Variants in COL23A1 observed in about 807,000 individuals in gnomAD.
The protein encoded by COL23A1 is collagen type XXIII alpha 1 chain, also known as collagen alpha-1(XXIII) chain.
Under a neutral mutation model 99.3 loss-of-function variants are expected in COL23A1, and 97 were observed. That is an observed-to-expected ratio of 0.98 (90% confidence interval 0.83 to 1.16). The LOEUF (loss-of-function observed/expected upper bound fraction) is 1.16. Among genes scored for constraint, COL23A1 ranks in the 50% most tolerant of loss-of-function variants. COL23A1 has a pLI of 0.00. For missense variants in COL23A1, 762 were observed against 757.4 expected (o/e 1.01, Z -0.07); for synonymous variants, 320 against 308.2 (o/e 1.04, Z -0.40).
intron 16 of COL23A1, 44 bp from the exon 17 acceptor site, chr5:178,252,641 G>A (rs1198007247): frequency 1.9e-6 from 3 of 1,560,986 alleles, no homozygotes; most frequent in African/African-American, 1.4e-5. Context: ...GGTTAGGCAG[G>A]GCCTCCCTTC....
intron 2 of COL23A1, among the ~76,000 whole-genome samples, chr5:178,442,747 C>G (rs1025306050): frequency 6.6e-6 from 1 of 152,244 alleles, no homozygotes; most frequent in Non-Finnish European, 1.5e-5. Context: ...AGCACAGGCG[C>G]CAAGACCTGA....
rs932949484 is a variant in COL23A1 at position 178,238,529 on chromosome 5, C to T, written c.*169G>A. On this transcript the variant is annotated 3_prime_UTR_variant, in exon 29 of 29. Coordinates refer to ENST00000390654, the MANE Select transcript of COL23A1 (RefSeq NM_173465.4). Reference sequence around the variant, plus strand: ...TCCCTGGTCTGGCCTGTCCACTTTCCGGCAGCTTCACATGCCGGTGGCTTT... The same window carrying T: ...TCCCTGGTCTGGCCTGTCCACTTTCTGGCAGCTTCACATGCCGGTGGCTTT... 80 of 858,706 alleles carry T rather than the reference C, an allele frequency of 9.3e-5. 1 individual carries two copies. The highest frequency in any genetic ancestry group is 3.6e-4 in the Middle Eastern group (1 of 2,814). 53.2% of individuals were successfully genotyped at this position (858,706 alleles called of 1,614,324 possible). A position where few individuals can be genotyped will look rare whatever the true frequency, so the allele number is the denominator to read the frequency against.
intron 2 of COL23A1, among the ~76,000 whole-genome samples, chr5:178,466,363 A>G (rs1357493946): frequency 6.6e-6 from 1 of 152,174 alleles, no homozygotes; most frequent in Non-Finnish European, 1.5e-5. Flanking sequence ...GTTTTGAAAA[A>G]GTCAAGTTCT....
chr5:178,323,132 T>G (rs1367899279), intron 2 of COL23A1, among the ~76,000 whole-genome samples: 1 of 151,996 alleles, frequency 6.6e-6, no homozygotes, highest in Non-Finnish European at 1.5e-5. Flanking sequence ...AAGGGGCTCC[T>G]GAGCCTGGGG....
chr5:178,263,211 T>A lies in COL23A1; in HGVS notation c.636A>T (p.Pro212=). 6.2e-7 allele frequency: 1 copy of A among 1,612,390 alleles called. No individual in the cohort carries two copies. Among genetic ancestry groups the A allele is most frequent in the Non-Finnish European group, 8.5e-7 (1 of 1,178,580 alleles). The change falls in exon 9 of 29, where the codon CCA becomes CCT. Residue 212 remains proline, a synonymous_variant. Transcript: ENST00000390654. ...CCAACTCCATGCCCTCTCTTACCGC[T>A]GGGCCTTGTGCTCCCCTGGGGCCAT... is the stretch of plus-strand genomic sequence containing the variant. ...GKDGPRGAQG[P]AGPKGEPGQD... is the part of the protein sequence containing the mutation.
chr5:178,360,538 G>A (rs145484734), intron 2 of COL23A1, among the ~76,000 whole-genome samples: 14 of 152,316 alleles, frequency 9.2e-5, no homozygotes, highest in South Asian at 2.1e-4. Context: ...AGAACTGACC[G>A]CACACAGATC....
At chr5:178,461,065 T>C (rs1016707533) in intron 2 of COL23A1, among the ~76,000 whole-genome samples, 2 of 152,206 alleles carry the variant, frequency 1.3e-5, no homozygotes, top group Non-Finnish European at 2.9e-5. Context: ...CAAGCCACTT[T>C]ACATTTTTGG....
intron 2 of COL23A1, among the ~76,000 whole-genome samples, chr5:178,425,199 G>A (rs990678973): frequency 6.6e-6 from 1 of 152,178 alleles, no homozygotes; most frequent in African/African-American, 2.4e-5. Flanking sequence ...GAGGCAGGCA[G>A]ATCACCTGAG....
chr5:178,296,344 A>G (rs1404963818), intron 3 of COL23A1, among the ~76,000 whole-genome samples: 1 of 152,138 alleles, frequency 6.6e-6, no homozygotes, highest in East Asian at 1.9e-4. Context: ...TCCCCAGAGC[A>G]TTTCATGTAA....
Position 178,306,461 on chromosome 5 carries a change from G to A in COL23A1, c.406+414C>T, listed in dbSNP as rs375245664. Reference sequence around the variant, plus strand: ...GGAGGTGGGGGAGTCTCCTCCTGGCGGCTCTGCCAAGGAAGGACAGGCCAC... The same window carrying A: ...GGAGGTGGGGGAGTCTCCTCCTGGCAGCTCTGCCAAGGAAGGACAGGCCAC... On this transcript the variant is annotated intron_variant, in intron 3 of 28. Transcript: ENST00000390654. This position sits in a 1 kb window ranked among gnomAD's most constrained non-coding sequence, Gnocchi z 4.1. 6.6e-6 allele frequency among the ~76,000 whole-genome samples: 1 copy of A among 151,906 alleles called. No individual in the cohort carries two copies. Among genetic ancestry groups the A allele is most frequent in the African/African-American group, 2.4e-5 (1 of 41,314 alleles).
chr5:178,289,993 C>T (rs2009481), intron 4 of COL23A1, among the ~76,000 whole-genome samples: 25,481 of 152,112 alleles, frequency 0.17, 2,668 homozygotes, highest in East Asian at 0.45. Flanking sequence ...TGCAGTGGTG[C>T]GATCTCGACT....
chr5:178,242,101 C>A lies in COL23A1; in HGVS notation c.1522G>T (p.Gly508Ter). ...GGCTCGCCCTTCTGGCCCTTCACTC[C>A]TTTCCGGCCGGGGACCCCTCGTTCT... is the stretch of plus-strand genomic sequence containing the variant. ...KGERGVPGRKGVKGQKGEPGP... is the reference protein window; with the variant it reads ...KGERGVPGRK The change falls in exon 27 of 29, where the codon GGA becomes TGA. Residue 508 changes from glycine (G) to a stop codon, truncating the protein, a stop_gained. Transcript: ENST00000390654. LOFTEE classifies it high-confidence loss of function. 1 of 1,553,750 alleles carries A rather than the reference C, an allele frequency of 6.4e-7. No individual in the cohort carries two copies. The highest frequency in any genetic ancestry group is 2.4e-5 in the East Asian group (1 of 41,144).
At chr5:178,275,605 C>T (rs988826918) in intron 5 of COL23A1, among the ~76,000 whole-genome samples, 7 of 152,140 alleles carry the variant, frequency 4.6e-5, no homozygotes, top group African/African-American at 1.4e-4. Flanking sequence ...GACCCCTTCT[C>T]GGAACTGTTT....
At chr5:178,335,899 T>G (rs1760291257) in intron 2 of COL23A1, among the ~76,000 whole-genome samples, 2 of 152,244 alleles carry the variant, frequency 1.3e-5, no homozygotes, top group South Asian at 4.1e-4. Flanking sequence ...CTACCATGTC[T>G]TTGCCAAGAA....
At chr5:178,348,647 CT>C (rs1561885058) in intron 2 of COL23A1, among the ~76,000 whole-genome samples, 1 of 152,216 alleles carries the variant, frequency 6.6e-6, no homozygotes, top group Non-Finnish European at 1.5e-5. Context: ...GCAGAGCATT[CT>C]GCCTCAGGAG....
intron 2 of COL23A1, among the ~76,000 whole-genome samples, chr5:178,403,702 T>C (rs1764596199): frequency 6.6e-6 from 1 of 152,258 alleles, no homozygotes; most frequent in African/African-American, 2.4e-5. Context: ...CACAAATGTG[T>C]AACCATTGTT....
intron 2 of COL23A1, among the ~76,000 whole-genome samples, chr5:178,381,455 C>T (rs544296809): frequency 1.9e-4 from 29 of 152,320 alleles, no homozygotes; most frequent in Middle Eastern, 3.4e-3. Context: ...CCAGCACCAC[C>T]GGGAGAGAGG....
At chr5:178,546,351 G>A (rs368514290) in intron 2 of COL23A1, among the ~76,000 whole-genome samples, 1 of 152,178 alleles carries the variant, frequency 6.6e-6, no homozygotes, top group African/African-American at 2.4e-5. Context: ...TTCTTCCACT[G>A]TTCGCCACTT....
At chr5:178,327,570 T>C (rs928038447) in intron 2 of COL23A1, among the ~76,000 whole-genome samples, 10 of 152,086 alleles carry the variant, frequency 6.6e-5, no homozygotes, top group Non-Finnish European at 1.2e-4. Flanking sequence ...ACAGCAGTCC[T>C]GGGGGGCCGG....
Sources: allele counts gnomAD v4.1 joint callset (sites outside exome capture counted in the v4.1 genomes callset), GRCh38; gene constraint gnomAD v4.1.1; non-coding constraint Gnocchi (gnomAD v3.1); transcripts MANE v1.5; gene names NCBI Gene and HGNC (gene_info 2026-07-23, HGNC 2026-07-21).